The following PAGE2B variants were observed in gnomAD, a reference collection of about 807,000 sequenced individuals.
The protein encoded by PAGE2B is putative G antigen family E member 3.
PAGE2B carries 5 observed loss-of-function variants against 7.6 expected under a neutral mutation model. The ratio of observed to expected loss-of-function variants is 0.66; its 90% CI spans 0.34 to 1.38. The LOEUF is 1.38. Among genes scored for constraint, PAGE2B ranks in the 40% most tolerant of loss-of-function variants. The probability of loss-of-function intolerance (pLI) is 0.04; values close to 1 mark genes in which losing one functional copy is unlikely to be tolerated. For synonymous variants in PAGE2B, 29 were observed against 26.7 expected (o/e 1.09, Z -0.27); for missense variants, 70 against 78.4 (o/e 0.89, Z 0.41).
At chrX:55,060,396 T>G in the PAGE2B span, among the ~76,000 whole-genome samples, 3 of 111,607 alleles carry the variant, frequency 2.7e-5, no homozygotes, top group African/African-American at 9.7e-5. Context: ...CATTTTTATG[T>G]AACTGTCAGC....
chrX:55,060,899 T>C, the PAGE2B span, among the ~76,000 whole-genome samples: 1 of 111,297 alleles, frequency 9.0e-6, no homozygotes. Context: ...GGCTAAGACA[T>C]GTAGAAATAT....
the PAGE2B span, among the ~76,000 whole-genome samples, chrX:55,031,250 A>G: frequency 9.0e-6 from 1 of 111,099 alleles, no homozygotes. Context: ...CTTGAGCAAA[A>G]CCACCTCTCT....
chrX:55,033,320 A>G, the PAGE2B span, among the ~76,000 whole-genome samples: 1 of 111,596 alleles, frequency 9.0e-6, no homozygotes, highest in Non-Finnish European at 1.9e-5. Context: ...TTCCCAGGTC[A>G]TTGGGAAGGA....
chrX:55,042,933 CT>C, the PAGE2B span, among the ~76,000 whole-genome samples: 2 of 110,556 alleles, frequency 1.8e-5, no homozygotes, highest in South Asian at 7.7e-4. Flanking sequence ...ATTATATTAC[CT>C]GACTTCAAAC....
chrX:55,029,957 C>A, the PAGE2B span, among the ~76,000 whole-genome samples: 4 of 92,063 alleles, frequency 4.3e-5, no homozygotes, highest in East Asian at 1.8e-3. Flanking sequence ...TCCCCCACCC[C>A]CCCACCCCTT....
the PAGE2B span, among the ~76,000 whole-genome samples, chrX:55,053,751 A>G: frequency 1.8e-5 from 2 of 111,691 alleles, no homozygotes; most frequent in Non-Finnish European, 1.9e-5. Flanking sequence ...CAATGCATTG[A>G]TTCTGCAAAA....
At chrX:55,058,384 G>C in the PAGE2B span, among the ~76,000 whole-genome samples, 26 of 110,733 alleles carry the variant, frequency 2.3e-4, no homozygotes, top group Non-Finnish European at 4.5e-4. Flanking sequence ...GAATTGACAA[G>C]CACCAATATT....
the PAGE2B span, chrX:55,055,890 T>C: frequency 2.7e-5 from 2 of 75,100 alleles, no homozygotes; most frequent in African/African-American, 1.0e-4. Context: ...AAACTAGAAA[T>C]GCAGTCATGG....
chrX:55,069,747 T>C, the PAGE2B span, among the ~76,000 whole-genome samples: 5 of 111,536 alleles, frequency 4.5e-5, no homozygotes, highest in Non-Finnish European at 9.4e-5. Flanking sequence ...TCAGGGATTC[T>C]ACCTCTTCCT....
chrX:55,067,170 T>C, the PAGE2B span, among the ~76,000 whole-genome samples: 1 of 111,023 alleles, frequency 9.0e-6, no homozygotes, highest in African/African-American at 3.3e-5. Context: ...ACCCGTCATC[T>C]ACATTAGGTA....
At chrX:55,038,271 G>A in the PAGE2B span, among the ~76,000 whole-genome samples, 2 of 110,815 alleles carry the variant, frequency 1.8e-5, no homozygotes, top group South Asian at 3.8e-4. Flanking sequence ...TAAATGATGC[G>A]TGATATTTAC....
At chrX:55,062,071 T>C in the PAGE2B span, among the ~76,000 whole-genome samples, 1 of 111,858 alleles carries the variant, frequency 8.9e-6, no homozygotes, top group Non-Finnish European at 1.9e-5. Context: ...AATGCACATA[T>C]CTCTTCGTTA....
the PAGE2B span, among the ~76,000 whole-genome samples, chrX:55,056,974 A>G: frequency 1.8e-5 from 2 of 111,646 alleles, no homozygotes; most frequent in African/African-American, 6.5e-5. Context: ...AGATAACCTT[A>G]TATTTACTCG....
the PAGE2B span, among the ~76,000 whole-genome samples, chrX:55,062,664 A>C: frequency 8.9e-6 from 1 of 111,765 alleles, no homozygotes; most frequent in East Asian, 2.8e-4. Flanking sequence ...TTGCTCACGA[A>C]ATCTTTGTGC....
At chrX:55,059,710 C>T in the PAGE2B span, among the ~76,000 whole-genome samples, 1 of 111,054 alleles carries the variant, frequency 9.0e-6, no homozygotes, top group Non-Finnish European at 1.9e-5. Context: ...CAATAGAGCT[C>T]TATAACTTAT....
chrX:55,036,463 G>C, the PAGE2B span, among the ~76,000 whole-genome samples: 2 of 110,921 alleles, frequency 1.8e-5, no homozygotes, highest in African/African-American at 6.6e-5. Context: ...TTATTATTTT[G>C]AGATACATCC....
chrX:55,039,185 A>G, the PAGE2B span, among the ~76,000 whole-genome samples: 978 of 110,956 alleles, frequency 8.8e-3, 9 homozygotes, highest in African/African-American at 0.031. Context: ...CTTGCAGAGA[A>G]TTATATTTTT....
chrX:55,037,818 G>C, the PAGE2B span, among the ~76,000 whole-genome samples: 2 of 101,259 alleles, frequency 2.0e-5, no homozygotes, highest in East Asian at 6.3e-4. Flanking sequence ...ACCAAACACC[G>C]CATGTTCTCA....
chrX:55,057,161 G>A, the PAGE2B span, among the ~76,000 whole-genome samples: 2 of 110,979 alleles, frequency 1.8e-5, no homozygotes, highest in African/African-American at 6.6e-5. Context: ...AAAGGGGAGA[G>A]GGGATAAGGT....
Sources: gnomAD v4.1 joint callset for allele counts (sites outside exome capture counted in the v4.1 genomes callset) on GRCh38, gnomAD v4.1.1 for gene constraint, MANE v1.5 for transcripts, NCBI Gene and HGNC (gene_info 2026-07-23, HGNC 2026-07-21) for gene names.